ETNPPL: variants seen among roughly 807,000 people sequenced by gnomAD.
ETNPPL encodes alanine--glyoxylate aminotransferase 2-like 1.
ETNPPL carries 30 observed loss-of-function variants against 55.5 expected under a neutral mutation model. The observed-to-expected ratio is 0.54, with a 90% confidence interval of 0.40 to 0.73. The LOEUF (loss-of-function observed/expected upper bound fraction) is 0.73. ETNPPL is among the 30% of genes least tolerant of loss of function. The probability of loss-of-function intolerance (pLI) is 0.00; values close to 1 mark genes in which losing one functional copy is unlikely to be tolerated. For synonymous variants in ETNPPL, 202 were observed against 207.2 expected, an observed-to-expected ratio of 0.98 and a Z score of 0.21; for missense variants, 528 against 607.9, an observed-to-expected ratio of 0.87 and a Z score of 1.38.
At chr4:108,756,513 G>A in intron 3 of ETNPPL, 21 bp from the exon 4 acceptor site, 1 of 1,578,666 alleles carries the variant, frequency 6.3e-7, no homozygotes, top group African/African-American at 1.3e-5. Context: ...AACATAGAGA[G>A]AGAGGACACT....
chr4:108,760,217 T>G lies in ETNPPL; in HGVS notation c.146A>C (p.Tyr49Ser). 6.2e-7 allele frequency: 1 copy of G among 1,609,840 alleles called. No individual in the cohort carries two copies. Among genetic ancestry groups the G allele is most frequent in the Non-Finnish European group, 8.5e-7 (1 of 1,176,200 alleles). ...GGCAACATTGTTGATGCAGTCCAAG[T>G]ACTGTTCACCGTTCTCATCAAACAT... ...QYMFDENGEQYLDCINNVAHV... is the reference protein window; with the variant it reads ...QYMFDENGEQSLDCINNVAHV... Residue 49 changes from tyrosine to serine, a missense_variant, in exon 2 of 13, where the codon TAC becomes TCC. By Grantham distance (144) the Tyr-to-Ser change is moderately radical. Coordinates refer to ENST00000296486, the MANE Select transcript of ETNPPL (RefSeq NM_031279.4).
intron 1 of ETNPPL, among the ~76,000 whole-genome samples, chr4:108,761,967 A>G (rs1729528698): frequency 1.3e-5 from 2 of 152,208 alleles, no homozygotes; most frequent in Non-Finnish European, 2.9e-5. Flanking sequence ...AATATTGCAG[A>G]CGGTTGACTT....
At chr4:108,750,614 G>GATATATATTTTTTATATATATATATAT (rs1164661418) in intron 7 of ETNPPL, among the ~76,000 whole-genome samples, 1 of 121,584 alleles carries the variant, frequency 8.2e-6, no homozygotes, top group African/African-American at 3.3e-5. Context: ...ATATATATAG[G>GATATATATTTTTTATATATATATATAT]ATATATATAT....
In ETNPPL at chr4:108,750,926, A is replaced by G. The variant is rs1489607857; in HGVS notation, c.701+10T>C. The G allele has an allele frequency of 6.2e-7, 1 of 1,605,758 alleles. No individual in the cohort carries two copies. Among genetic ancestry groups the G allele is most frequent in the Admixed American group, 1.7e-5 (1 of 59,972 alleles). ...CAGTTTGACCAAGGAGGCCCAAGTC[A>G]AGTACATACTCTGCCACTTTCTGGA... On this transcript the variant is annotated intron_variant, in intron 7 of 12. Coordinates refer to ENST00000296486, the MANE Select transcript of ETNPPL (RefSeq NM_031279.4).
Position 108,754,724 on chromosome 4 carries a change from G to T in ETNPPL, c.411-14C>A. On this transcript the variant is annotated splice_polypyrimidine_tract_variant and intron_variant, in intron 4 of 12. Coordinates refer to ENST00000296486, the MANE Select transcript of ETNPPL (RefSeq NM_031279.4). The stretch of plus-strand genomic sequence containing the variant: ...CCATGGTAAGCACTGAAGAGACAAA[G>T]AAAAAAAAGCAGTAATCAAAATAAT... The T allele has an allele frequency of 7.1e-7, 1 of 1,399,166 alleles. No homozygotes were observed. Among genetic ancestry groups the T allele is most frequent in the Admixed American group, 1.9e-5 (1 of 52,452 alleles). 86.7% of individuals were successfully genotyped at this position (1,399,166 alleles called of 1,614,324 possible). A position where few individuals can be genotyped will look rare whatever the true frequency, so the allele number is the denominator to read the frequency against.
In ETNPPL at chr4:108,762,908, G is replaced by GTGCA. The variant is rs777906088; in HGVS notation, c.-14_-11dup. 3 of 1,613,914 alleles carry GTGCA rather than the reference G, an allele frequency of 1.9e-6. No individual in the cohort carries two copies. In the South Asian group the frequency reaches 3.3e-5, roughly 18 times the overall value. On this transcript the variant is annotated 5_prime_UTR_variant, in exon 1 of 13. The change creates a new upstream start codon in the 5' untranslated region. Transcript: ENST00000296486. ...TGTACAGCTCGCACATGGTGGCGGG[G>GTGCA]TGCAGGGCGCTGCGAAGGTGCAAGG...
rs774783432 is a variant in ETNPPL, at chr4:108,751,012, C to T, written c.625G>A (p.Ala209Thr). 7.4e-6 allele frequency: 12 copies of T among 1,611,996 alleles called. No individual in the cohort carries two copies. The highest frequency in any genetic ancestry group is 1.0e-5 in the Non-Finnish European group (12 of 1,178,500). The change falls in exon 7 of 13, where the codon GCC (alanine) becomes ACC (threonine). Residue 209 changes from alanine (A) to threonine (T), a missense_variant. Ala to Thr is a moderately conservative substitution (Grantham distance 58). Transcript: ENST00000296486. ...CTCTGCATGGATTCAGCAATAAAGG[C>T]AGCAATCTATACAAGAGAAGATGGT... The part of the protein sequence containing the change: ...DAHNSGRKIA[A>T]FIAESMQSCG...
intron 1 of ETNPPL, among the ~76,000 whole-genome samples, chr4:108,760,570 A>G (rs761905942): frequency 2.0e-5 from 3 of 152,074 alleles, no homozygotes; most frequent in Non-Finnish European, 4.4e-5. Flanking sequence ...ACAGGAATCC[A>G]CTCTCTGATG....
intron 7 of ETNPPL, among the ~76,000 whole-genome samples, chr4:108,750,303 A>G (rs1728833458): frequency 6.6e-6 from 1 of 152,062 alleles, no homozygotes; most frequent in African/African-American, 2.4e-5. Flanking sequence ...AAGCAGGCAG[A>G]AAAATGTGAA....
chr4:108,754,208 C>A (rs917779420), intron 5 of ETNPPL, among the ~76,000 whole-genome samples: 1 of 151,940 alleles, frequency 6.6e-6, no homozygotes, highest in Admixed American at 6.6e-5. Flanking sequence ...GAATTCCTGA[C>A]CTCCAGTGAT....
chr4:108,743,035 G>C (rs1163587959), intron 12 of ETNPPL, among the ~76,000 whole-genome samples: 1 of 152,204 alleles, frequency 6.6e-6, no homozygotes, highest in African/African-American at 2.4e-5. Flanking sequence ...CAGAAGCCAT[G>C]CTGTTAGCGA....
At position 108,750,969 on chromosome 4, in the gene ETNPPL, A is replaced by G; in HGVS notation, c.668T>C (p.Ile223Thr). ...TTTCTGGAAGTAGCCTGCTGGAGGA[A>G]TTATTTGTCCGCCACAACTCTGCAT... The part of the protein sequence containing the change: ...ESMQSCGGQI[I>T]PPAGYFQKVA... The change falls in exon 7 of 13, where the codon ATT becomes ACT. Residue 223 changes from isoleucine to threonine, a missense_variant. Physicochemically the swap from Ile to Thr is moderately conservative, Grantham distance 89. Transcript: ENST00000296486. The G allele has an allele frequency of 6.2e-7, 1 of 1,613,326 alleles. No individual in the cohort carries two copies. Among genetic ancestry groups the G allele is most frequent in the Non-Finnish European group, 8.5e-7 (1 of 1,179,454 alleles).
intron 1 of ETNPPL, among the ~76,000 whole-genome samples, chr4:108,760,649 C>T (rs1282150868): frequency 6.6e-6 from 1 of 151,938 alleles, no homozygotes; most frequent in Non-Finnish European, 1.5e-5. Context: ...AAAAAATAAC[C>T]AAGTTTTTTT....
intron 11 of ETNPPL, among the ~76,000 whole-genome samples, chr4:108,744,924 C>T (rs1728399336): frequency 6.6e-6 from 1 of 151,950 alleles, no homozygotes; most frequent in Admixed American, 6.6e-5. Flanking sequence ...AACCTTTCAC[C>T]GTGTTGCCCA....
intron 11 of ETNPPL, among the ~76,000 whole-genome samples, chr4:108,745,183 G>C (rs991736695): frequency 6.6e-6 from 1 of 151,684 alleles, no homozygotes; most frequent in Non-Finnish European, 1.5e-5. Flanking sequence ...GCATAATATA[G>C]GTAAACAAGA....
chr4:108,746,375 C>A, intron 11 of ETNPPL, 24 bp downstream of exon 11: 1 of 1,600,372 alleles, frequency 6.2e-7, no homozygotes, highest in Non-Finnish European at 8.5e-7. Context: ...AACAAGAAGA[C>A]ATCTTAAAGA....
At position 108,762,921 on chromosome 4, in the gene ETNPPL, C is replaced by CGAAGGTG; in HGVS notation, c.-30_-24dup. ...CATGGTGGCGGGGTGCAGGGCGCTG[C>CGAAGGTG]GAAGGTGCAAGGTGCAAGGTCTGCG... On this transcript the variant is annotated 5_prime_UTR_variant, in exon 1 of 13. Transcript: ENST00000296486. 1 of 1,612,776 alleles carries CGAAGGTG rather than the reference C, an allele frequency of 6.2e-7. No individual in the cohort carries two copies.
intron 2 of ETNPPL, 41 bp downstream of exon 2, chr4:108,760,147 T>C (rs774503613): frequency 1.0e-5 from 14 of 1,389,744 alleles, no homozygotes; most frequent in Non-Finnish European, 1.4e-5. Context: ...CTTTACTCCA[T>C]GAACATTTCC....
chr4:108,759,950 T>G (rs754595008), intron 2 of ETNPPL, 42 bp from the exon 3 acceptor site: 84 of 1,579,366 alleles, frequency 5.3e-5, no homozygotes, highest in Non-Finnish European at 7.3e-5. Flanking sequence ...AAGTTAGAAT[T>G]CTAAGTGCCT....
Sources: gnomAD v4.1 joint callset for allele counts (sites outside exome capture counted in the v4.1 genomes callset) on GRCh38, gnomAD v4.1.1 for gene constraint, MANE v1.5 for transcripts, NCBI Gene and HGNC (gene_info 2026-07-23, HGNC 2026-07-21) for gene names.